The following OR2L13 variants were observed in gnomAD, a reference collection of about 807,000 sequenced individuals.
The protein encoded by OR2L13 is olfactory receptor 2L13.
A neutral mutation model predicts 15.3 loss-of-function variants in OR2L13; 14 were observed. That is an observed-to-expected ratio of 0.91 (90% CI 0.60 to 1.43). OR2L13 has a LOEUF of 1.43. OR2L13 is among the 40% of genes most tolerant of loss of function. OR2L13 has a pLI of 0.00. For synonymous variants in OR2L13, 152 were observed against 142.9 expected, an observed-to-expected ratio of 1.06 and a Z score of -0.45; for missense variants, 367 against 387.9, an observed-to-expected ratio of 0.95 and a Z score of 0.45.
the OR2L13 span, among the ~76,000 whole-genome samples, chr1:248,059,354 T>G: frequency 6.6e-6 from 1 of 152,208 alleles, no homozygotes; most frequent in South Asian, 2.1e-4. Flanking sequence ...TTGTCAGAAT[T>G]CTAGTTTCCC....
At chr1:247,952,315 G>A in the OR2L13 span, among the ~76,000 whole-genome samples, 1 of 152,170 alleles carries the variant, frequency 6.6e-6, no homozygotes, top group Admixed American at 6.5e-5. Flanking sequence ...GTGATGGTCT[G>A]AGTGTTTGTA....
the OR2L13 span, among the ~76,000 whole-genome samples, chr1:247,967,751 T>G: frequency 6.6e-6 from 1 of 151,690 alleles, no homozygotes; most frequent in African/African-American, 2.4e-5. Context: ...CTCAAACAGC[T>G]CTTTATATAT....
At chr1:247,944,905 T>G in the OR2L13 span, among the ~76,000 whole-genome samples, 2 of 152,176 alleles carry the variant, frequency 1.3e-5, no homozygotes, top group African/African-American at 4.8e-5. Context: ...TTCTTCTGTA[T>G]TTGTCTTGCT....
chr1:248,071,540 G>A, the OR2L13 span, among the ~76,000 whole-genome samples: 3 of 151,966 alleles, frequency 2.0e-5, no homozygotes, highest in Non-Finnish European at 4.4e-5. Context: ...GGCAAAAACT[G>A]GAAGCATTCC....
chr1:248,023,790 A>G, the OR2L13 span: 1 of 152,184 alleles, frequency 6.6e-6, no homozygotes, highest in Non-Finnish European at 1.5e-5. Context: ...TTCCTGAGAA[A>G]CGCTTTAGTC....
the OR2L13 span, among the ~76,000 whole-genome samples, chr1:247,971,570 A>T: frequency 6.7e-6 from 1 of 149,448 alleles, no homozygotes; most frequent in Admixed American, 6.6e-5. Flanking sequence ...TCATCTAGAT[A>T]AAGTAAAGTG....
chr1:248,024,876 A>C, the OR2L13 span, among the ~76,000 whole-genome samples: 15 of 152,196 alleles, frequency 9.9e-5, no homozygotes, highest in South Asian at 2.1e-4. Context: ...CTTAGGATTG[A>C]CTTGGCGATG....
At chr1:247,969,750 T>G in the OR2L13 span, among the ~76,000 whole-genome samples, 1 of 152,196 alleles carries the variant, frequency 6.6e-6, no homozygotes, top group Non-Finnish European at 1.5e-5. Context: ...TTTCAGAGCC[T>G]GAAGCTAAGG....
the OR2L13 span, chr1:247,966,493 G>A: frequency 1.4e-6 from 1 of 691,072 alleles, no homozygotes; most frequent in Non-Finnish European, 2.3e-6. Flanking sequence ...GTGTTCCCCT[G>A]GCATTTTAAT....
the OR2L13 span, chr1:248,023,689 T>G: frequency 6.6e-6 from 1 of 152,222 alleles, no homozygotes; most frequent in Non-Finnish European, 1.5e-5. Context: ...TGCTTAGGCC[T>G]GTGCCTAGAA....
At chr1:248,057,642 C>T in the OR2L13 span, among the ~76,000 whole-genome samples, 2 of 152,094 alleles carry the variant, frequency 1.3e-5, no homozygotes, top group African/African-American at 4.8e-5. Flanking sequence ...GGATGCATTT[C>T]CATTTATTCG....
the OR2L13 span, among the ~76,000 whole-genome samples, chr1:248,066,517 A>C: frequency 6.6e-6 from 1 of 152,234 alleles, no homozygotes; most frequent in Non-Finnish European, 1.5e-5. Flanking sequence ...TAGTACTTAG[A>C]GCATTTTAGG....
the OR2L13 span, among the ~76,000 whole-genome samples, chr1:247,994,066 C>T: frequency 6.6e-6 from 1 of 152,152 alleles, no homozygotes; most frequent in Non-Finnish European, 1.5e-5. Flanking sequence ...ATCCCAACCA[C>T]AATTGATTCC....
the OR2L13 span, among the ~76,000 whole-genome samples, chr1:248,020,170 CAA>C: frequency 6.6e-6 from 1 of 152,130 alleles, no homozygotes; most frequent in Non-Finnish European, 1.5e-5. Context: ...TGGAACAAGA[CAA>C]GGATGCCCAC....
At chr1:247,969,596 A>G in the OR2L13 span, among the ~76,000 whole-genome samples, 2 of 152,240 alleles carry the variant, frequency 1.3e-5, no homozygotes, top group Admixed American at 1.3e-4. Context: ...CTTTCAAATT[A>G]GTCATATCCT....
the OR2L13 span, among the ~76,000 whole-genome samples, chr1:248,008,190 GAATA>G: frequency 1.3e-5 from 2 of 152,084 alleles, no homozygotes; most frequent in African/African-American, 4.8e-5. Context: ...CAGTTGACCT[GAATA>G]AATAAACTTT....
At chr1:248,064,492 T>C in the OR2L13 span, among the ~76,000 whole-genome samples, 5,804 of 152,270 alleles carry the variant, frequency 0.038, 382 homozygotes, top group African/African-American at 0.13. Context: ...TAAGACATTT[T>C]TGTCATAGAA....
chr1:248,061,630 C>T, the OR2L13 span: 35 of 1,605,688 alleles, frequency 2.2e-5, no homozygotes, highest in African/African-American at 2.7e-5. Context: ...GAAACATTTT[C>T]TACCTAAGGT....
the OR2L13 span, among the ~76,000 whole-genome samples, chr1:248,065,866 G>A: frequency 6.6e-6 from 1 of 151,944 alleles, no homozygotes; most frequent in Non-Finnish European, 1.5e-5. Flanking sequence ...GTTAACATTG[G>A]AGAAAAAGGT....
Sources: gnomAD v4.1 joint callset for allele counts (sites outside exome capture counted in the v4.1 genomes callset) on GRCh38, gnomAD v4.1.1 for gene constraint, MANE v1.5 for transcripts, NCBI Gene and HGNC (gene_info 2026-07-23, HGNC 2026-07-21) for gene names.